COLEC12: variants seen among roughly 807,000 people sequenced by gnomAD.
COLEC12 encodes the protein collectin subfamily member 12, also known as collectin-12.
In COLEC12, 33 loss-of-function variants were observed where a neutral mutation model predicts 71.1. That is an observed-to-expected ratio of 0.46 (90% CI 0.35 to 0.62). The LOEUF (loss-of-function observed/expected upper bound fraction) is 0.62, where lower values mean the gene tolerates loss of function less well. Ranked by LOEUF, COLEC12 falls within the 20% of genes least tolerant of loss-of-function variation. COLEC12 has a pLI of 0.00. For synonymous variants in COLEC12, 350 were observed against 353.0 expected (o/e 0.99, Z 0.10); for missense variants, 765 against 916.1 (o/e 0.84, Z 2.13).
intron 2 of COLEC12, among the ~76,000 whole-genome samples, chr18:392,625 A>T (rs1405776578): frequency 6.6e-6 from 1 of 152,198 alleles, no homozygotes; most frequent in Non-Finnish European, 1.5e-5. Flanking sequence ...TCACACAATT[A>T]CTTCAGCTAC....
chr18:401,908 G>C (rs1426253945), intron 2 of COLEC12, among the ~76,000 whole-genome samples: 1 of 152,080 alleles, frequency 6.6e-6, no homozygotes, highest in Admixed American at 6.5e-5. Flanking sequence ...AGGGACATAG[G>C]GCTTCTGGAG....
intron 2 of COLEC12, among the ~76,000 whole-genome samples, chr18:420,915 A>G (rs1916086750): frequency 6.6e-6 from 1 of 152,058 alleles, no homozygotes; most frequent in African/African-American, 2.4e-5. Flanking sequence ...CCAGGAAGCA[A>G]TGCTCCTCTC....
intron 2 of COLEC12, among the ~76,000 whole-genome samples, chr18:368,727 G>GCA (rs1567886694): frequency 6.6e-6 from 1 of 151,478 alleles, no homozygotes; most frequent in African/African-American, 2.4e-5. Flanking sequence ...TTAGCCGGGC[G>GCA]TGGTGGCGGG....
At position 354,487 on chromosome 18, in the gene COLEC12, A is replaced by G. The variant is rs142408119; in HGVS notation, c.181+2913T>C. On this transcript the variant is annotated intron_variant, in intron 3 of 9. Transcript: ENST00000400256. ...CTCCTTTCCTTTCGATTTCTCCTTC[A>G]GAGGAATGCCTTATTGTGTTTCTTT... Among the ~76,000 whole-genome samples, 683 of 152,364 alleles carry G rather than the reference A, an allele frequency of 4.5e-3. 4 individuals are homozygous for G. The highest frequency in any genetic ancestry group is 0.016 in the African/African-American group (655 of 41,586).
intron 2 of COLEC12, among the ~76,000 whole-genome samples, chr18:359,887 T>C (rs865966316): frequency 1.3e-5 from 2 of 152,248 alleles, no homozygotes; most frequent in Admixed American, 6.5e-5. Flanking sequence ...ATTTTACGCA[T>C]AGTGCCCTTC....
intron 2 of COLEC12, among the ~76,000 whole-genome samples, chr18:441,095 A>C (rs1442002305): frequency 1.1e-5 from 1 of 92,972 alleles, no homozygotes; most frequent in Non-Finnish European, 2.4e-5. Context: ...AAAAATACAA[A>C]AAATTGGCCA....
intron 1 of COLEC12, among the ~76,000 whole-genome samples, chr18:499,210 G>A (rs1430921810): frequency 6.6e-6 from 1 of 152,224 alleles, no homozygotes; most frequent in East Asian, 1.9e-4. Flanking sequence ...AGGAAAGCAA[G>A]CCACTGCATT....
At chr18:393,666 G>A (rs967808430) in intron 2 of COLEC12, among the ~76,000 whole-genome samples, 4 of 152,152 alleles carry the variant, frequency 2.6e-5, no homozygotes, top group Admixed American at 6.5e-5. Context: ...AAATCCTGGC[G>A]GAACTCATAG....
intron 2 of COLEC12, among the ~76,000 whole-genome samples, chr18:428,504 A>C (rs905956882): frequency 5.3e-5 from 8 of 152,114 alleles, no homozygotes; most frequent in Non-Finnish European, 1.2e-4. Context: ...ACCACAACAC[A>C]CCCCATGGAT....
chr18:479,287 C>T (rs973794773), intron 2 of COLEC12, among the ~76,000 whole-genome samples: 1 of 151,878 alleles, frequency 6.6e-6, no homozygotes, highest in East Asian at 1.9e-4. Context: ...GGAGGAGGGG[C>T]GACGGGGCTG....
intron 2 of COLEC12, among the ~76,000 whole-genome samples, chr18:454,690 A>G (rs1201250720): frequency 6.6e-6 from 1 of 152,204 alleles, no homozygotes; most frequent in Non-Finnish European, 1.5e-5. Context: ...CTCCAAAAAA[A>G]TAAATAAAAC....
rs755753642 is a variant in COLEC12 at position 495,634 on chromosome 18, T to C, written c.7+4874A>G. 9.2e-5 allele frequency among the ~76,000 whole-genome samples: 14 copies of C among 152,350 alleles called. No homozygotes were observed. In the South Asian group the frequency reaches 1.2e-3, roughly 14 times the overall value. ...AAGAACACATCAATCCTTCAGACCT[T>C]TGATGCTAGGTCATTACAGTTCTAA... On this transcript the variant is annotated intron_variant, in intron 1 of 9. Transcript: ENST00000400256.
chr18:357,504 T>G lies in COLEC12; in HGVS notation c.77A>C (p.Gln26Pro). ...CCAGTTATTTTTACATTTGGTACAT[T>G]GTGTTCCTTCCTGAATACCTGTAAG... ...YKRFGIQEGTQCTKCKNNWAL... is the reference protein window; with the variant it reads ...YKRFGIQEGTPCTKCKNNWAL... The change falls in exon 3 of 10, where the codon CAA becomes CCA. Residue 26 changes from glutamine (Q) to proline (P), a missense_variant. Coordinates refer to ENST00000400256, the MANE Select transcript of COLEC12 (RefSeq NM_130386.3). 6.3e-7 allele frequency: 1 copy of G among 1,575,108 alleles called. No homozygotes were observed. Among genetic ancestry groups the G allele is most frequent in the Non-Finnish European group, 8.6e-7 (1 of 1,158,212 alleles).
chr18:359,425 G>A (rs1198585460), intron 2 of COLEC12, among the ~76,000 whole-genome samples: 1 of 152,158 alleles, frequency 6.6e-6, no homozygotes, highest in Non-Finnish European at 1.5e-5. Context: ...CATATTACAT[G>A]TATACAAGAA....
At chr18:430,548 T>C (rs1036969983) in intron 2 of COLEC12, among the ~76,000 whole-genome samples, 7 of 152,182 alleles carry the variant, frequency 4.6e-5, no homozygotes, top group African/African-American at 1.7e-4. Flanking sequence ...TCTCTAAGAA[T>C]TTATTGGTAT....
intron 3 of COLEC12, among the ~76,000 whole-genome samples, chr18:352,547 T>C (rs1914546236): frequency 6.6e-6 from 1 of 152,208 alleles, no homozygotes; most frequent in Admixed American, 6.5e-5. Flanking sequence ...TTTTCTTCTG[T>C]GCAGCAAAAG....
intron 2 of COLEC12, among the ~76,000 whole-genome samples, chr18:422,540 A>T (rs1406737219): frequency 6.6e-6 from 1 of 152,230 alleles, no homozygotes; most frequent in East Asian, 1.9e-4. Context: ...AATTCAAACA[A>T]GGAGCAATAT....
chr18:346,887 C>T lies in COLEC12; in HGVS notation c.735G>A (p.Gln245=). 1.2e-6 allele frequency: 2 copies of T among 1,614,214 alleles called. No homozygotes were observed. Among genetic ancestry groups the T allele is most frequent in the East Asian group, 2.2e-5 (1 of 44,886 alleles). ...QRIKNDFQNL[Q]QVFLQAKKDT... ...CCTTCTTGGCTTGAAGAAAAACCTG[C>T]TGCAGATTTTGAAAGTCGTTCTTGA... The change falls in exon 5 of 10, where the codon CAG becomes CAA. Residue 245 remains glutamine (Q), a synonymous_variant. Coordinates refer to ENST00000400256, the MANE Select transcript of COLEC12 (RefSeq NM_130386.3). The surrounding 1 kb of genome is among the most constrained non-coding windows in gnomAD (Gnocchi z 4.0).
chr18:471,441 C>T (rs1917195460), intron 2 of COLEC12, among the ~76,000 whole-genome samples: 1 of 151,406 alleles, frequency 6.6e-6, no homozygotes, highest in African/African-American at 2.4e-5. Context: ...TTCATTCATT[C>T]ACTTCTCTAT....
Sources: gnomAD v4.1 joint callset for allele counts (sites outside exome capture counted in the v4.1 genomes callset) on GRCh38, gnomAD v4.1.1 for gene constraint, Gnocchi (gnomAD v3.1) non-coding constraint, MANE v1.5 for transcripts, NCBI Gene and HGNC (gene_info 2026-07-23, HGNC 2026-07-21) for gene names.